FARP1: variants seen among roughly 807,000 people sequenced by gnomAD.
FARP1 encodes the protein FERM, ARHGEF and pleckstrin domain-containing protein 1.
Under a neutral mutation model 128.8 loss-of-function variants are expected in FARP1, and 52 were observed. The observed-to-expected ratio is 0.40, with a 90% CI of 0.32 to 0.51. The LOEUF (loss-of-function observed/expected upper bound fraction) is 0.51. FARP1 is among the 20% of genes least tolerant of loss of function. The pLI, the probability that FARP1 is intolerant of heterozygous loss-of-function variation, is 0.45. For synonymous variants in FARP1, 580 were observed against 551.8 expected, an observed-to-expected ratio of 1.05 and a Z score of -0.72; for missense variants, 1,333 against 1,367.9, an observed-to-expected ratio of 0.97 and a Z score of 0.40.
intron 2 of FARP1, among the ~76,000 whole-genome samples, chr13:98,246,916 C>T (rs1398499497): frequency 6.6e-6 from 1 of 152,166 alleles, no homozygotes; most frequent in Admixed American, 6.5e-5. Context: ...GGCTGGAACT[C>T]CTGTGTTTAA....
At chr13:98,328,917 CATTTAAAATTTTCT>C (rs1049665097) in intron 2 of FARP1, 20 of 152,132 alleles carry the variant, frequency 1.3e-4, no homozygotes, top group African/African-American at 4.3e-4. Context: ...TGAAATTTTC[CATTTAAAATTTTCT>C]ATTTAAAATT....
At chr13:98,390,440 A>G (rs1890263523) in intron 10 of FARP1, 2 of 431,740 alleles carry the variant, frequency 4.6e-6, no homozygotes, top group African/African-American at 2.0e-5. Context: ...TTATTGGTGA[A>G]CTTTTCCATT....
intron 2 of FARP1, among the ~76,000 whole-genome samples, chr13:98,217,088 G>C (rs4238213): frequency 6.6e-6 from 1 of 151,930 alleles, no homozygotes. Context: ...CTCGTGACCC[G>C]GCGGGTAAAC....
At chr13:98,374,575 A>C (rs773853988) in intron 5 of FARP1, among the ~76,000 whole-genome samples, 26 of 152,196 alleles carry the variant, frequency 1.7e-4, no homozygotes, top group Non-Finnish European at 1.3e-4. Context: ...TGGACCAGCT[A>C]CACTACACAG....
At chr13:98,197,065 A>C (rs1038626217) in intron 1 of FARP1, among the ~76,000 whole-genome samples, 5 of 152,198 alleles carry the variant, frequency 3.3e-5, no homozygotes, top group Admixed American at 3.3e-4. Flanking sequence ...TTAATGGCTT[A>C]ATGGAAATTG....
rs147842027 is a variant in FARP1 at position 98,156,251 on chromosome 13, A to C, written c.-24+12759A>C. Among the ~76,000 whole-genome samples the C allele has an allele frequency of 5.5e-3, 839 of 152,336 alleles. 8 individuals are homozygous for C. Among genetic ancestry groups the C allele is most frequent in the African/African-American group, 0.019 (806 of 41,584 alleles). On this transcript the variant is annotated intron_variant, in intron 1 of 26. Transcript: ENST00000319562. ...AACGTATAAAAACATACTCTCTGGC[A>C]ATTTATAAAAGACTTAAGACATGGT...
At chr13:98,220,038 AT>A (rs11335167) in intron 2 of FARP1, among the ~76,000 whole-genome samples, 89,091 of 148,582 alleles carry the variant, frequency 0.6, 27,290 homozygotes, top group African/African-American at 0.76. Flanking sequence ...TGAAGAAAGT[AT>A]TTTTTTTTTT....
intron 1 of FARP1, among the ~76,000 whole-genome samples, chr13:98,192,558 T>G (rs1364927180): frequency 1.3e-5 from 2 of 152,050 alleles, no homozygotes; most frequent in Non-Finnish European, 2.9e-5. Context: ...CCTGGGTAAT[T>G]TTCTGTATGT....
chr13:98,184,650 A>G (rs377572868), intron 1 of FARP1, among the ~76,000 whole-genome samples: 9 of 152,160 alleles, frequency 5.9e-5, no homozygotes, highest in African/African-American at 2.2e-4. Context: ...CCTAATGTCC[A>G]TCCTGCTTCC....
At chr13:98,404,007 C>CACCACCACCAT (rs1890876627) in intron 13 of FARP1, 1 of 151,762 alleles carries the variant, frequency 6.6e-6, no homozygotes, top group African/African-American at 2.5e-5. Flanking sequence ...TCCACCACCA[C>CACCACCACCAT]CACCACCACC....
At chr13:98,415,565 A>G (rs1254588997) in intron 16 of FARP1, among the ~76,000 whole-genome samples, 2 of 152,320 alleles carry the variant, frequency 1.3e-5, no homozygotes, top group East Asian at 3.9e-4. Flanking sequence ...GTGTCCTCTC[A>G]CAGGTGTGGG....
intron 1 of FARP1, among the ~76,000 whole-genome samples, chr13:98,212,067 G>A (rs1257550033): frequency 6.6e-6 from 1 of 152,172 alleles, no homozygotes; most frequent in African/African-American, 2.4e-5. Flanking sequence ...ATTTGTTTTC[G>A]TTTTTGAGAT....
chr13:98,414,053 T>C (rs1436931284), intron 16 of FARP1, among the ~76,000 whole-genome samples: 2 of 152,158 alleles, frequency 1.3e-5, no homozygotes, highest in African/African-American at 4.8e-5. Flanking sequence ...CAGAGAGAAA[T>C]GCAGAGAGCT....
intron 18 of FARP1, chr13:98,432,333 T>C (rs1297942661): frequency 6.6e-6 from 1 of 152,252 alleles, no homozygotes; most frequent in African/African-American, 2.4e-5. Flanking sequence ...ATTATCCCAT[T>C]TTACAGAGCG....
intron 2 of FARP1, among the ~76,000 whole-genome samples, chr13:98,218,953 C>A (rs1162679882): frequency 6.6e-6 from 1 of 152,222 alleles, no homozygotes. Flanking sequence ...GTGTCAGAAT[C>A]GCCTGTGCTA....
intron 2 of FARP1, chr13:98,245,023 T>C (rs1882985396): frequency 9.2e-7 from 1 of 1,088,708 alleles, no homozygotes; most frequent in Non-Finnish European, 1.1e-6. Context: ...AGCCATAAAT[T>C]AGACCAAAGA....
At chr13:98,376,871 TTC>T (rs2140006148) in intron 5 of FARP1, among the ~76,000 whole-genome samples, 1 of 152,210 alleles carries the variant, frequency 6.6e-6, no homozygotes, top group Admixed American at 6.5e-5. Context: ...TTGATTGCAT[TTC>T]TCTGATGATC....
intron 2 of FARP1, among the ~76,000 whole-genome samples, chr13:98,315,323 C>G (rs1387130754): frequency 6.6e-6 from 1 of 152,052 alleles, no homozygotes; most frequent in Non-Finnish European, 1.5e-5. Context: ...CCCAAGCTGT[C>G]TCGAACTCCT....
At chr13:98,430,786 T>C (rs184838818) in intron 17 of FARP1, among the ~76,000 whole-genome samples, 98 of 152,352 alleles carry the variant, frequency 6.4e-4, no homozygotes, top group Admixed American at 1.9e-3. Flanking sequence ...TCTGATGTTA[T>C]ATACATAGCT....
Sources: gnomAD v4.1 joint callset for allele counts (sites outside exome capture counted in the v4.1 genomes callset) on GRCh38, gnomAD v4.1.1 for gene constraint, MANE v1.5 for transcripts, NCBI Gene and HGNC (gene_info 2026-07-23, HGNC 2026-07-21) for gene names.